OR3A2: variants seen among roughly 807,000 people sequenced by gnomAD.
OR3A2 encodes olfactory receptor family 3 subfamily A member 2, also known as olfactory receptor 3A2.
For missense variants in OR3A2, 318 were observed against 392.8 expected, an observed-to-expected ratio of 0.81 and a Z score of 1.61; for synonymous variants, 126 against 159.3, an observed-to-expected ratio of 0.79 and a Z score of 1.57.
intron 2 of OR3A2, among the ~76,000 whole-genome samples, chr17:3,379,502 T>C (rs1264853768): frequency 6.6e-6 from 1 of 152,160 alleles, no homozygotes; most frequent in Admixed American, 6.5e-5. Context: ...TCCCTGAACC[T>C]ACTGTCCTGG....
At chr17:3,347,891 T>G (rs2049381528) in intron 2 of OR3A2, among the ~76,000 whole-genome samples, 1 of 152,170 alleles carries the variant, frequency 6.6e-6, no homozygotes, top group Non-Finnish European at 1.5e-5. Context: ...TTTCTCCACA[T>G]CCTCTCCAGC....
Position 3,292,080 on chromosome 17 carries a change from G to A in OR3A2, c.-84-12927C>T, listed in dbSNP as rs1238215301. The A allele has an allele frequency of 2.0e-5, 32 of 1,614,084 alleles. No homozygotes were observed. Among genetic ancestry groups the A allele is most frequent in the Non-Finnish European group, 2.6e-5 (31 of 1,180,054 alleles). On this transcript the variant is annotated intron_variant, in intron 3 of 4. Coordinates refer to the OR3A2 transcript ENST00000573491. ...CACATTGGGGCCACAGAAGTTGAGC[G>A]TGGACATGGCCACAGTGTGGGTCAG...
intron 3 of OR3A2, chr17:3,292,007 GC>G: frequency 6.2e-7 from 1 of 1,614,238 alleles, no homozygotes; most frequent in African/African-American, 1.3e-5. Flanking sequence ...GGGTGCTGGA[GC>G]AGGAGAGCTG....
rs552887034 is a variant in OR3A2 at position 3,361,392 on chromosome 17, T to A, written c.-179+22412A>T. ...CAATTTGACTTCCTCTTTTCCTAAC[T>A]GAATGTGCTTTATTTCTTTCTCTTA... On this transcript the variant is annotated intron_variant, in intron 2 of 4. Transcript: ENST00000573491. Among the ~76,000 whole-genome samples the A allele has an allele frequency of 4.6e-5, 7 of 151,778 alleles. No homozygotes were observed. The East Asian group carries it at 1.3e-3, about 29-fold the overall frequency.
chr17:3,370,366 TA>T (rs966783815), intron 2 of OR3A2, among the ~76,000 whole-genome samples: 3 of 152,234 alleles, frequency 2.0e-5, no homozygotes, highest in Non-Finnish European at 4.4e-5. Context: ...GTATCAGTTG[TA>T]ATATCTCCCA....
intron 2 of OR3A2, among the ~76,000 whole-genome samples, chr17:3,379,754 G>C (rs1229677619): frequency 6.6e-6 from 1 of 152,162 alleles, no homozygotes. Flanking sequence ...AGAGGCCAGG[G>C]TCACTAACAC....
chr17:3,375,229 T>C (rs1464490446), intron 2 of OR3A2, among the ~76,000 whole-genome samples: 2 of 76,378 alleles, frequency 2.6e-5, no homozygotes, highest in Non-Finnish European at 4.5e-5. Flanking sequence ...TTTTTTTTTT[T>C]CTTTTTTTTT....
chr17:3,314,024 A>G (rs2150632318), intron 3 of OR3A2, among the ~76,000 whole-genome samples: 1 of 152,362 alleles, frequency 6.6e-6, no homozygotes, highest in East Asian at 1.9e-4. Context: ...TTTTAAAGAT[A>G]AATTTTCTTC....
At chr17:3,337,247 C>T (rs1007829047) in intron 2 of OR3A2, among the ~76,000 whole-genome samples, 2 of 152,154 alleles carry the variant, frequency 1.3e-5, no homozygotes, top group African/African-American at 2.4e-5. Flanking sequence ...TCACTACTAT[C>T]GTTCTCCAGA....
At chr17:3,303,806 C>T (rs231687) in intron 3 of OR3A2, among the ~76,000 whole-genome samples, 66,916 of 146,200 alleles carry the variant, frequency 0.46, 16,694 homozygotes, top group East Asian at 0.95. Flanking sequence ...GCAGAAGGAT[C>T]GCTTGAACCT....
At chr17:3,300,445 G>C (rs2048953554) in intron 3 of OR3A2, among the ~76,000 whole-genome samples, 2 of 152,152 alleles carry the variant, frequency 1.3e-5, no homozygotes, top group Non-Finnish European at 2.9e-5. Flanking sequence ...TGTAATCCCA[G>C]CTACTCGGGA....
At chr17:3,302,428 G>A (rs1206557833) in intron 3 of OR3A2, among the ~76,000 whole-genome samples, 1 of 152,136 alleles carries the variant, frequency 6.6e-6, no homozygotes, top group Non-Finnish European at 1.5e-5. Context: ...ACAGCCCTCA[G>A]AAATAATACC....
intron 2 of OR3A2, among the ~76,000 whole-genome samples, chr17:3,379,802 A>T (rs2049717645): frequency 6.6e-6 from 1 of 152,182 alleles, no homozygotes; most frequent in South Asian, 2.1e-4. Flanking sequence ...TAGAAGGGGC[A>T]GGGGAGTGAC....
intron 1 of OR3A2, among the ~76,000 whole-genome samples, chr17:3,281,116 C>T (rs1442044141): frequency 6.6e-6 from 1 of 152,182 alleles, no homozygotes; most frequent in Non-Finnish European, 1.5e-5. Context: ...GACTTACAGC[C>T]AGTATCAACC....
At chr17:3,325,888 C>T (rs1009231193) in intron 3 of OR3A2, among the ~76,000 whole-genome samples, 1 of 152,092 alleles carries the variant, frequency 6.6e-6, no homozygotes, top group African/African-American at 2.4e-5. Flanking sequence ...ATCAACCCAT[C>T]ACCTAGGTAT....
chr17:3,341,488 G>C (rs2049318448), intron 2 of OR3A2, among the ~76,000 whole-genome samples: 2 of 152,056 alleles, frequency 1.3e-5, no homozygotes, highest in Non-Finnish European at 1.5e-5. Context: ...GCATTTGCTT[G>C]TCTGTAAAGG....
chr17:3,304,370 C>A (rs1418803133), intron 3 of OR3A2, among the ~76,000 whole-genome samples: 2 of 152,204 alleles, frequency 1.3e-5, no homozygotes, highest in African/African-American at 4.8e-5. Flanking sequence ...GCTGCCACAG[C>A]CAGCCTGAAC....
At chr17:3,347,403 C>T (rs1267882136) in intron 2 of OR3A2, among the ~76,000 whole-genome samples, 1 of 152,150 alleles carries the variant, frequency 6.6e-6, no homozygotes, top group African/African-American at 2.4e-5. Context: ...TCTCCCCCGG[C>T]CCCACAACAG....
At chr17:3,378,792 G>A (rs116760174) in intron 2 of OR3A2, among the ~76,000 whole-genome samples, 1 of 152,122 alleles carries the variant, frequency 6.6e-6, no homozygotes, top group Non-Finnish European at 1.5e-5. Flanking sequence ...AGTTCTCCCT[G>A]AACACTCAAG....
Sources: gnomAD v4.1 joint callset for allele counts (sites outside exome capture counted in the v4.1 genomes callset) on GRCh38, gnomAD v4.1.1 for gene constraint, MANE v1.5 for transcripts, NCBI Gene and HGNC (gene_info 2026-07-23, HGNC 2026-07-21) for gene names.